The following ASS1 variants were observed in gnomAD, a reference collection of about 807,000 sequenced individuals.
The protein encoded by ASS1 is argininosuccinate synthase.
ASS1 carries 58 observed loss-of-function variants against 60.5 expected under a neutral mutation model. That is an observed-to-expected ratio of 0.96 (90% CI 0.78 to 1.19). ASS1 has a LOEUF of 1.19. ASS1 is among the 50% of genes most tolerant of loss of function. The pLI is 0.00. For missense variants in ASS1, 454 were observed against 547.3 expected (o/e 0.83, Z 1.70); for synonymous variants, 200 against 206.9 (o/e 0.97, Z 0.29).
Position 130,476,788 on chromosome 9 carries a change from G to A in ASS1, c.598-83G>A. 1 of 1,271,138 alleles carries A rather than the reference G, an allele frequency of 7.9e-7. No individual in the cohort carries two copies. The highest frequency in any genetic ancestry group is 1.2e-6 in the Non-Finnish European group (1 of 869,220). The allele number at this position is 1,271,138 out of a possible 1,614,324, so 78.7% of individuals were successfully genotyped here. A position where few individuals can be genotyped will look rare whatever the true frequency, so the allele number is the denominator to read the frequency against. On this transcript the variant is annotated intron_variant, in intron 8 of 14. Transcript: ENST00000352480. The surrounding 1 kb of genome is among the most constrained non-coding windows in gnomAD (Gnocchi z 4.9). ...GGTGGGGAAATGGACAGAGGAGAGG[G>A]GTGCAGATCCCCGCGGGAGGTGGGC...
At chr9:130,500,828 C>T (rs572965068) in intron 14 of ASS1, 148 bp from the exon 15 acceptor site, 17 of 732,122 alleles carry the variant, frequency 2.3e-5, no homozygotes, top group Admixed American at 1.6e-4. Context: ...GGGGCCAGGG[C>T]GGGAGAGGGA....
At chr9:130,464,796 T>G (rs1389600370) in intron 5 of ASS1, among the ~76,000 whole-genome samples, 1 of 151,906 alleles carries the variant, frequency 6.6e-6, no homozygotes. Flanking sequence ...GGACCTGGCC[T>G]GCGTCCATGC....
chr9:130,466,126 G>A (rs1326213187), intron 5 of ASS1, among the ~76,000 whole-genome samples: 2 of 152,186 alleles, frequency 1.3e-5, no homozygotes, highest in Non-Finnish European at 2.9e-5. Flanking sequence ...ACATGCCCCC[G>A]AGTCCTGCTC....
intron 1 of ASS1, among the ~76,000 whole-genome samples, chr9:130,448,228 G>T (rs565442569): frequency 6.6e-6 from 1 of 152,026 alleles, no homozygotes; most frequent in Admixed American, 6.5e-5. Context: ...CAACGCTGCT[G>T]TCTGATTGCA....
intron 3 of ASS1, among the ~76,000 whole-genome samples, chr9:130,455,025 CCATCCATCATCCATCCATT>C (rs1845413920): frequency 1.3e-5 from 2 of 150,796 alleles, no homozygotes; most frequent in South Asian, 4.2e-4. Flanking sequence ...CATCATCCAT[CCATCCATCATCCATCCATT>C]CATCCATCAT....
intron 3 of ASS1, among the ~76,000 whole-genome samples, chr9:130,458,065 A>G (rs1845489159): frequency 6.6e-6 from 1 of 151,474 alleles, no homozygotes; most frequent in Admixed American, 6.6e-5. Context: ...AGGCTGAGGC[A>G]GGGGAGTTGC....
At chr9:130,457,165 A>G (rs1441654758) in intron 3 of ASS1, among the ~76,000 whole-genome samples, 1 of 152,214 alleles carries the variant, frequency 6.6e-6, no homozygotes, top group Non-Finnish European at 1.5e-5. Context: ...GGACTCTTGT[A>G]GCGGTTTTCT....
At chr9:130,446,366 A>G (rs1845196873) in intron 1 of ASS1, among the ~76,000 whole-genome samples, 1 of 151,850 alleles carries the variant, frequency 6.6e-6, no homozygotes, top group Admixed American at 6.6e-5. Context: ...GAACTGGAGG[A>G]GTCTCCATTC....
chr9:130,465,736 G>A (rs1246219629), intron 5 of ASS1, among the ~76,000 whole-genome samples: 1 of 152,256 alleles, frequency 6.6e-6, no homozygotes, highest in East Asian at 1.9e-4. Flanking sequence ...GTAGCTCTTG[G>A]GATGCGTGGC....
intron 11 of ASS1, among the ~76,000 whole-genome samples, chr9:130,481,447 G>C (rs1846172442): frequency 6.6e-6 from 1 of 152,164 alleles, no homozygotes; most frequent in African/African-American, 2.4e-5. Context: ...AATATCACCT[G>C]GCCACGGTAT....
rs1846538151 is a variant in ASS1, at chr9:130,494,799, C to T, written c.971-68C>T. 1.3e-6 allele frequency: 2 copies of T among 1,593,468 alleles called. No individual in the cohort carries two copies. Among genetic ancestry groups the T allele is most frequent in the Admixed American group, 1.7e-5 (1 of 59,866 alleles). ...AAACCATGGGGCACCCTTCCTGTGC[C>T]CCAGGTCTCCCTGTGTCCTCGCGGT... is the stretch of plus-strand genomic sequence containing the variant. On this transcript the variant is annotated intron_variant, in intron 12 of 14. Coordinates refer to ENST00000352480, the MANE Select transcript of ASS1 (RefSeq NM_054012.4). This position sits in a 1 kb window ranked among gnomAD's most constrained non-coding sequence, Gnocchi z 4.3.
At chr9:130,499,379 G>A (rs574722909) in intron 13 of ASS1, 126 bp from the exon 14 acceptor site, 1 of 993,278 alleles carries the variant, frequency 1.0e-6, no homozygotes, top group Non-Finnish European at 1.6e-6. Context: ...TGCAGGGAGG[G>A]TTTGGACCCA....
chr9:130,486,649 C>T (rs568582983), intron 11 of ASS1, among the ~76,000 whole-genome samples: 1 of 152,196 alleles, frequency 6.6e-6, no homozygotes, highest in Non-Finnish European at 1.5e-5. Flanking sequence ...GAGGTCACAA[C>T]TAGATTCAGA....
intron 3 of ASS1, among the ~76,000 whole-genome samples, chr9:130,454,680 G>A (rs1025456649): frequency 2.0e-5 from 3 of 151,324 alleles, no homozygotes; most frequent in Non-Finnish European, 4.4e-5. Context: ...TTATCTACTC[G>A]TCCACATATC....
In ASS1 at chr9:130,447,174, T is replaced by C. The variant is rs1845214234; in HGVS notation, c.-6+2179T>C. The stretch of plus-strand genomic sequence containing the variant: ...TGGGGGGCTGGTTTTCTGGAAGGTG[T>C]GTAGAGTGAAGGGGAGATCTGAGGT... On this transcript the variant is annotated intron_variant, in intron 1 of 14. Transcript: ENST00000352480. Among the ~76,000 whole-genome samples, 2 of 151,950 alleles carry C rather than the reference T, an allele frequency of 1.3e-5. 1 individual carries two copies. Among genetic ancestry groups the C allele is most frequent in the South Asian group, 4.2e-4 (2 of 4,812 alleles).
chr9:130,478,294 A>T lies in ASS1; in HGVS notation c.688+1333A>T, dbSNP rs994395025. 2.0e-5 allele frequency among the ~76,000 whole-genome samples: 3 copies of T among 152,098 alleles called. No homozygotes were observed. The highest frequency in any genetic ancestry group is 2.9e-5 in the Non-Finnish European group (2 of 68,000). On this transcript the variant is annotated intron_variant, in intron 9 of 14. Coordinates refer to ENST00000352480, the MANE Select transcript of ASS1 (RefSeq NM_054012.4). The surrounding 1 kb of genome is among the most constrained non-coding windows in gnomAD (Gnocchi z 4.7). ...TCCCTTTAGGATCATCTCTGAGAAG[A>T]TGGTGGGAGTGGCCCCAGCAGCACC...
intron 11 of ASS1, among the ~76,000 whole-genome samples, chr9:130,487,716 G>A (rs541754899): frequency 5.9e-5 from 9 of 152,032 alleles, no homozygotes; most frequent in Non-Finnish European, 7.4e-5. Flanking sequence ...TTAGCGTCAC[G>A]GCCTTATGTT....
At position 130,470,876 on chromosome 9, in the gene ASS1, A is replaced by T. The variant is rs1456790094; in HGVS notation, c.538A>T (p.Ser180Cys). 1 of 1,614,062 alleles carries T rather than the reference A, an allele frequency of 6.2e-7. No individual in the cohort carries two copies. The highest frequency in any genetic ancestry group is 1.7e-5 in the Admixed American group (1 of 60,028). The change falls in exon 7 of 15, where the codon AGC becomes TGC. Residue 180 changes from serine (S) to cysteine (C), a missense_variant. Physicochemically the swap from Ser to Cys is moderately radical, Grantham distance 112 (BLOSUM62 -1). Transcript: ENST00000352480. The surrounding 1 kb of genome is among the most constrained non-coding windows in gnomAD (Gnocchi z 4.3). Reference protein sequence around the residue: ...PIPVTPKNPWSMDENLMHISY... With the variant: ...PIPVTPKNPWCMDENLMHISY... ...CCCGGTCACTCCCAAGAACCCGTGG[A>T]GCATGGATGAGAACCTCATGCACAT...
intron 4 of ASS1, among the ~76,000 whole-genome samples, chr9:130,463,366 T>C (rs1463699112): frequency 6.6e-6 from 1 of 152,138 alleles, no homozygotes; most frequent in East Asian, 1.9e-4. Flanking sequence ...GTCCCGGCTA[T>C]GTCGGGGGTA....
Sources: gnomAD v4.1 joint callset for allele counts (sites outside exome capture counted in the v4.1 genomes callset) on GRCh38, gnomAD v4.1.1 for gene constraint, Gnocchi (gnomAD v3.1) non-coding constraint, MANE v1.5 for transcripts, NCBI Gene and HGNC (gene_info 2026-07-23, HGNC 2026-07-21) for gene names.